GTF2B: variants seen among roughly 807,000 people sequenced by gnomAD.
GTF2B encodes the protein general transcription factor IIB, also known as transcription initiation factor IIB.
Under a neutral mutation model 34.6 loss-of-function variants are expected in GTF2B, and 20 were observed. That is an observed-to-expected ratio of 0.58 (90% CI 0.41 to 0.84). The LOEUF is 0.84. GTF2B is among the 40% of genes least tolerant of loss of function. The pLI is 0.00. For synonymous variants in GTF2B, 142 were observed against 132.4 expected, an observed-to-expected ratio of 1.07 and a Z score of -0.50; for missense variants, 237 against 393.3, an observed-to-expected ratio of 0.60 and a Z score of 3.36.
chr1:88,882,432 C>T (rs1673972889), intron 2 of GTF2B, among the ~76,000 whole-genome samples: 1 of 150,852 alleles, frequency 6.6e-6, no homozygotes, highest in Non-Finnish European at 1.5e-5. Context: ...GATCTTAACA[C>T]TGTGGAAGAA....
intron 2 of GTF2B, among the ~76,000 whole-genome samples, chr1:88,886,867 T>C (rs1392651353): frequency 6.6e-6 from 1 of 152,202 alleles, no homozygotes; most frequent in Non-Finnish European, 1.5e-5. Context: ...ATGTGTTCAT[T>C]AAATGATAGT....
chr1:88,872,530 T>A (rs1207938990), intron 2 of GTF2B, among the ~76,000 whole-genome samples: 1 of 151,578 alleles, frequency 6.6e-6, no homozygotes, highest in Non-Finnish European at 1.5e-5. Flanking sequence ...TTAATATAAT[T>A]TTTTAAATAT....
intron 2 of GTF2B, among the ~76,000 whole-genome samples, chr1:88,870,346 T>A (rs1673662694): frequency 6.6e-6 from 1 of 152,198 alleles, no homozygotes; most frequent in Non-Finnish European, 1.5e-5. Context: ...TACAGCTCAA[T>A]AAATTAAAAA....
At chr1:88,854,278 C>A (rs973923339) in intron 6 of GTF2B, among the ~76,000 whole-genome samples, 1 of 152,114 alleles carries the variant, frequency 6.6e-6, no homozygotes, top group Non-Finnish European at 1.5e-5. Flanking sequence ...GATCAAACAG[C>A]TACTTATTAT....
intron 6 of GTF2B, among the ~76,000 whole-genome samples, chr1:88,853,670 G>A (rs1673239678): frequency 6.6e-6 from 1 of 152,108 alleles, no homozygotes; most frequent in Admixed American, 6.6e-5. Flanking sequence ...CAGGCGTGGT[G>A]GCATGCGCCT....
intron 2 of GTF2B, among the ~76,000 whole-genome samples, chr1:88,874,475 G>A (rs987693966): frequency 2.8e-5 from 4 of 144,430 alleles, no homozygotes; most frequent in Admixed American, 1.4e-4. Flanking sequence ...ATAGGCTTGC[G>A]CCACCACACA....
chr1:88,877,757 C>T (rs1557659441), intron 2 of GTF2B, among the ~76,000 whole-genome samples: 3 of 152,112 alleles, frequency 2.0e-5, no homozygotes, highest in Non-Finnish European at 4.4e-5. Flanking sequence ...TATGGCGAAA[C>T]CCTATCTCTA....
rs1383531433 is a variant in GTF2B, at chr1:88,857,214, G to T, written c.809C>A (p.Thr270Asn). The T allele has an allele frequency of 3.7e-6, 6 of 1,602,392 alleles. No individual in the cohort carries two copies. The highest frequency in any genetic ancestry group is 2.2e-5 in the South Asian group (2 of 88,918). ...CTGATGACGAACCCTACCTTTTTGGGTCCTCTTTTCAGCTGATGCCTGTGA... is the reference window on the plus strand; with the variant it reads ...CTGATGACGAACCCTACCTTTTTGGTTCCTCTTTTCAGCTGATGCCTGTGA... ...MASQASAEKR[T>N]QKEIGDIAGV... is the part of the protein sequence containing the mutation. The change falls in exon 6 of 7, where the codon ACC (threonine) becomes AAC (asparagine). Residue 270 changes from threonine (T) to asparagine (N), a missense_variant. Physicochemically the swap from Thr to Asn is moderately conservative, Grantham distance 65 (BLOSUM62 0). Transcript: ENST00000370500.
intron 2 of GTF2B, among the ~76,000 whole-genome samples, chr1:88,881,649 T>C (rs1297572329): frequency 6.6e-6 from 1 of 152,178 alleles, no homozygotes; most frequent in Non-Finnish European, 1.5e-5. Context: ...CAAATATCTA[T>C]GAATGAGCCT....
chr1:88,874,640 A>C (rs1207197024), intron 2 of GTF2B, among the ~76,000 whole-genome samples: 1 of 151,358 alleles, frequency 6.6e-6, no homozygotes, highest in Non-Finnish European at 1.5e-5. Flanking sequence ...CTGGCTCCTC[A>C]GAAAGGAATT....
chr1:88,871,958 C>T (rs533611462), intron 2 of GTF2B, among the ~76,000 whole-genome samples: 10 of 152,094 alleles, frequency 6.6e-5, no homozygotes, highest in Non-Finnish European at 1.2e-4. Flanking sequence ...GTCTCGAACT[C>T]CTGACCTCAG....
intron 5 of GTF2B, 110 bp from the exon 6 acceptor site, chr1:88,857,597 A>C: frequency 1.6e-6 from 1 of 620,472 alleles, no homozygotes; most frequent in Non-Finnish European, 2.8e-6. Context: ...TAAAACATTC[A>C]ATCATACCTT....
At chr1:88,855,728 C>T (rs938053073) in intron 6 of GTF2B, among the ~76,000 whole-genome samples, 1 of 152,140 alleles carries the variant, frequency 6.6e-6, no homozygotes, top group African/African-American at 2.4e-5. Context: ...GATCTCAGCT[C>T]ACTACAACCT....
Position 88,883,541 on chromosome 1 carries a change from C to T in GTF2B, c.124+3720G>A, listed in dbSNP as rs6698303. Among the ~76,000 whole-genome samples, 534 of 151,718 alleles carry T rather than the reference C, an allele frequency of 3.5e-3. 4 individuals are homozygous for T. Among genetic ancestry groups the T allele is most frequent in the African/African-American group, 0.012 (510 of 41,278 alleles). ...CTAGTCTGGGCAACGCTGTGAGACC[C>T]TATCTGTACCAAAAAAAAAAAATTA... On this transcript the variant is annotated intron_variant, in intron 2 of 6. Coordinates refer to ENST00000370500, the MANE Select transcript of GTF2B (RefSeq NM_001514.6).
chr1:88,866,895 C>A (rs1358815420), intron 2 of GTF2B, among the ~76,000 whole-genome samples: 1 of 152,142 alleles, frequency 6.6e-6, no homozygotes, highest in African/African-American at 2.4e-5. Context: ...TTTAATACAT[C>A]ACACATTGAG....
intron 2 of GTF2B, among the ~76,000 whole-genome samples, chr1:88,872,914 C>T (rs1407373164): frequency 6.6e-6 from 1 of 152,162 alleles, no homozygotes; most frequent in Non-Finnish European, 1.5e-5. Flanking sequence ...GTTTCTGTAA[C>T]TTTCTCTGAG....
intron 2 of GTF2B, among the ~76,000 whole-genome samples, chr1:88,867,151 TTTC>T (rs1557655836): frequency 6.6e-6 from 1 of 152,188 alleles, no homozygotes; most frequent in Non-Finnish European, 1.5e-5. Flanking sequence ...GAGATCAATT[TTTC>T]TTCCTTTTTA....
At chr1:88,855,813 C>T (rs1258626226) in intron 6 of GTF2B, among the ~76,000 whole-genome samples, 2 of 151,776 alleles carry the variant, frequency 1.3e-5, no homozygotes, top group African/African-American at 2.4e-5. Context: ...GCCACCACAC[C>T]CGACTAATTT....
intron 3 of GTF2B, among the ~76,000 whole-genome samples, chr1:88,863,533 T>C (rs894629223): frequency 6.6e-6 from 1 of 152,040 alleles, no homozygotes; most frequent in Non-Finnish European, 1.5e-5. Flanking sequence ...TCCTTTTTTT[T>C]TGTAGTAGAG....
Sources: gnomAD v4.1 joint callset for allele counts (sites outside exome capture counted in the v4.1 genomes callset) on GRCh38, gnomAD v4.1.1 for gene constraint, MANE v1.5 for transcripts, NCBI Gene and HGNC (gene_info 2026-07-23, HGNC 2026-07-21) for gene names.